CATSPERT: variants seen among roughly 807,000 people sequenced by gnomAD.
CATSPERT encodes the protein catsper channel auxiliary subunit tau.
the CATSPERT span, chr2:201,554,905 TACACTTTTTAATA>T: frequency 6.6e-6 from 1 of 152,196 alleles, no homozygotes; most frequent in South Asian, 2.1e-4. Flanking sequence ...ACATACTCAT[TACACTTTTTAATA>T]ACCTGTTACT....
the CATSPERT span, chr2:201,491,843 G>C: frequency 3.0e-5 from 46 of 1,536,974 alleles, no homozygotes; most frequent in Non-Finnish European, 3.9e-5. Flanking sequence ...TATGGGTCTT[G>C]AATCTCTGTT....
At chr2:201,540,440 C>A in the CATSPERT span, among the ~76,000 whole-genome samples, 2 of 152,216 alleles carry the variant, frequency 1.3e-5, no homozygotes, top group Non-Finnish European at 1.5e-5. Context: ...GCTAATGTAG[C>A]TGCTGATTTT....
the CATSPERT span, among the ~76,000 whole-genome samples, chr2:201,504,115 C>G: frequency 6.6e-6 from 1 of 152,196 alleles, no homozygotes; most frequent in Admixed American, 6.5e-5. Flanking sequence ...AGAGGAACTT[C>G]TTTACAGTTA....
chr2:201,494,898 T>G, the CATSPERT span: 1 of 745,052 alleles, frequency 1.3e-6, no homozygotes, highest in Non-Finnish European at 1.8e-6. Context: ...GAAAATCAAC[T>G]TTAATTATTT....
At chr2:201,530,016 C>T in the CATSPERT span, among the ~76,000 whole-genome samples, 1 of 152,114 alleles carries the variant, frequency 6.6e-6, no homozygotes, top group Admixed American at 6.5e-5. Flanking sequence ...CTCAATATCT[C>T]TGATCATCAG....
At chr2:201,594,603 C>G in the CATSPERT span, among the ~76,000 whole-genome samples, 3 of 152,092 alleles carry the variant, frequency 2.0e-5, no homozygotes, top group East Asian at 1.9e-4. Context: ...CTCCCCGTCA[C>G]TTTCAGGTAC....
chr2:201,533,123 A>T, the CATSPERT span, among the ~76,000 whole-genome samples: 7 of 152,232 alleles, frequency 4.6e-5, no homozygotes, highest in Admixed American at 1.3e-4. Context: ...GAAGTGTAAC[A>T]TTTGACTAAT....
chr2:201,529,034 TA>T, the CATSPERT span, among the ~76,000 whole-genome samples: 1 of 151,972 alleles, frequency 6.6e-6, no homozygotes, highest in Admixed American at 6.6e-5. Context: ...TACCTAGGAA[TA>T]AATTTAACCA....
At chr2:201,556,830 A>AT in the CATSPERT span, 1 of 150,348 alleles carries the variant, frequency 6.7e-6, no homozygotes, top group Non-Finnish European at 1.5e-5. Flanking sequence ...CTGTCTAAAA[A>AT]ATATAAATAA....
At chr2:201,578,850 C>G in the CATSPERT span, among the ~76,000 whole-genome samples, 64 of 152,244 alleles carry the variant, frequency 4.2e-4, no homozygotes, top group South Asian at 8.3e-4. Flanking sequence ...AATTGCCATA[C>G]AGTCAAAGGA....
chr2:201,507,510 A>G, the CATSPERT span, among the ~76,000 whole-genome samples: 1 of 152,228 alleles, frequency 6.6e-6, no homozygotes, highest in Non-Finnish European at 1.5e-5. Flanking sequence ...AATTACCAAG[A>G]AAATGATGAA....
At chr2:201,545,625 GAAGC>G in the CATSPERT span, 1 of 321,944 alleles carries the variant, frequency 3.1e-6, no homozygotes, top group Non-Finnish European at 4.8e-6. Context: ...TAGTTTCCTA[GAAGC>G]AAAAAAAAAA....
the CATSPERT span, among the ~76,000 whole-genome samples, chr2:201,617,657 T>G: frequency 2.0e-5 from 3 of 152,292 alleles, no homozygotes; most frequent in African/African-American, 7.2e-5. Context: ...GCCAAGGACT[T>G]CATGACTAAA....
At chr2:201,505,181 C>T in the CATSPERT span, among the ~76,000 whole-genome samples, 7 of 152,068 alleles carry the variant, frequency 4.6e-5, no homozygotes, top group Admixed American at 1.3e-4. Context: ...TTCACTGCAA[C>T]CTCCACCCCC....
the CATSPERT span, among the ~76,000 whole-genome samples, chr2:201,568,132 C>A: frequency 3.3e-5 from 5 of 152,304 alleles, no homozygotes; most frequent in African/African-American, 1.2e-4. Context: ...GATGTCACCA[C>A]CCATACCATG....
the CATSPERT span, among the ~76,000 whole-genome samples, chr2:201,556,431 C>G: frequency 6.6e-6 from 1 of 151,824 alleles, no homozygotes; most frequent in South Asian, 2.1e-4. Flanking sequence ...ATGGCGTGAA[C>G]CCGGGAGGCG....
the CATSPERT span, among the ~76,000 whole-genome samples, chr2:201,551,907 TAAA>T: frequency 4.5e-5 from 6 of 132,706 alleles, no homozygotes; most frequent in Admixed American, 7.7e-5. Flanking sequence ...AAACTCCGTC[TAAA>T]AAAAAAAAAA....
At chr2:201,607,274 C>A in the CATSPERT span, among the ~76,000 whole-genome samples, 1 of 152,174 alleles carries the variant, frequency 6.6e-6, no homozygotes, top group Non-Finnish European at 1.5e-5. Flanking sequence ...AGTTACTTAA[C>A]CTCTCTAACC....
chr2:201,567,824 G>C, the CATSPERT span, among the ~76,000 whole-genome samples: 3 of 152,080 alleles, frequency 2.0e-5, no homozygotes, highest in Admixed American at 2.0e-4. Context: ...CAATAGCTAG[G>C]TACCTTATGG....
Sources: gnomAD v4.1 joint callset for allele counts (sites outside exome capture counted in the v4.1 genomes callset) on GRCh38, gnomAD v4.1.1 for gene constraint, MANE v1.5 for transcripts, NCBI Gene and HGNC (gene_info 2026-07-23, HGNC 2026-07-21) for gene names.